Variants in CCDC102B observed in about 807,000 individuals in gnomAD.
CCDC102B encodes coiled-coil domain containing 102B.
A neutral mutation model predicts 57.4 loss-of-function variants in CCDC102B; 75 were observed. That is an observed-to-expected ratio of 1.31 (90% CI 1.08 to 1.58). The LOEUF (loss-of-function observed/expected upper bound fraction) is 1.58, where lower values mean the gene tolerates loss of function less well. Ranked by LOEUF, CCDC102B falls within the 40% of genes most tolerant of loss-of-function variation. The probability of loss-of-function intolerance (pLI) is 0.00; values close to 1 mark genes in which losing one functional copy is unlikely to be tolerated. For missense variants in CCDC102B, 636 were observed against 582.6 expected (o/e 1.09, Z -0.94); for synonymous variants, 206 against 201.9 (o/e 1.02, Z -0.17).
chr18:68,841,424 A>T (rs1280928200), intron 3 of CCDC102B, among the ~76,000 whole-genome samples: 1 of 152,200 alleles, frequency 6.6e-6, no homozygotes, highest in East Asian at 1.9e-4. Flanking sequence ...AAAGTTTCTC[A>T]TATACTGAGA....
intron 6 of CCDC102B, among the ~76,000 whole-genome samples, chr18:68,994,637 G>A (rs1325437640): frequency 6.6e-6 from 1 of 152,016 alleles, no homozygotes; most frequent in African/African-American, 2.4e-5. Context: ...TTTTATAAAG[G>A]GTTCTTCCCC....
intron 2 of CCDC102B, among the ~76,000 whole-genome samples, chr18:68,791,665 A>G (rs1312754433): frequency 6.6e-6 from 1 of 151,988 alleles, no homozygotes; most frequent in Admixed American, 6.6e-5. Context: ...ATTTTAAAGC[A>G]CCTAATGTTT....
At chr18:68,894,840 A>G (rs1235925617) in intron 5 of CCDC102B, among the ~76,000 whole-genome samples, 1 of 151,874 alleles carries the variant, frequency 6.6e-6, no homozygotes, top group African/African-American at 2.4e-5. Flanking sequence ...AAAAAATCTT[A>G]AGAGTTAAAA....
chr18:68,838,283 C>T lies in CCDC102B; in HGVS notation c.607-423C>T, dbSNP rs918381830. On this transcript the variant is annotated intron_variant, in intron 2 of 7. Coordinates refer to ENST00000360242, the MANE Select transcript of CCDC102B (RefSeq NM_024781.3). ...TAAGCAAGCTTTTTAAAATATTCAA[C>T]AGCTTCCTGAAAATTCTATCTTGTC... 5.0e-5 allele frequency: 24 copies of T among 477,148 alleles called. No homozygotes were observed. In the Admixed American group the frequency reaches 1.3e-3, roughly 27 times the overall value. The allele number at this position is 477,148 out of a possible 1,614,324, so 29.6% of individuals were successfully genotyped here.
chr18:68,726,664 A>T (rs1259972217), intron 2 of CCDC102B, among the ~76,000 whole-genome samples: 1 of 152,348 alleles, frequency 6.6e-6, no homozygotes, highest in South Asian at 2.1e-4. Context: ...ATTCCTGTAG[A>T]ATGGTTTTCA....
chr18:69,023,751 T>C (rs1160304439), intron 7 of CCDC102B, among the ~76,000 whole-genome samples: 1 of 151,964 alleles, frequency 6.6e-6, no homozygotes, highest in African/African-American at 2.4e-5. Flanking sequence ...CCTATTTTTA[T>C]ATATTATCAT....
chr18:69,003,597 T>C (rs2051263161), intron 6 of CCDC102B, among the ~76,000 whole-genome samples: 1 of 152,212 alleles, frequency 6.6e-6, no homozygotes, highest in African/African-American at 2.4e-5. Flanking sequence ...CTGGACCTGA[T>C]ACCTATGCTT....
intron 1 of CCDC102B, among the ~76,000 whole-genome samples, chr18:68,834,559 A>C (rs549949300): frequency 7.9e-4 from 119 of 150,234 alleles, no homozygotes; most frequent in African/African-American, 2.7e-3. Context: ...ATAGTAAATG[A>C]AGGGAACAAA....
intron 6 of CCDC102B, among the ~76,000 whole-genome samples, chr18:68,945,024 A>G (rs1331673440): frequency 1.3e-5 from 2 of 151,618 alleles, no homozygotes; most frequent in Non-Finnish European, 2.9e-5. Context: ...ATAGTGTGAC[A>G]TGCTACAGAT....
In CCDC102B at chr18:68,759,020, AAAAC is replaced by A. The variant is rs200947236; in HGVS notation, c.-67+42442_-67+42445del. Among the ~76,000 whole-genome samples the A allele has an allele frequency of 4.4e-3, 663 of 151,974 alleles. 2 individuals carry two copies. The highest frequency in any genetic ancestry group is 0.013 in the African/African-American group (543 of 41,518). Reference sequence around the variant, plus strand: ...ATGCCACCCCTACCTAAAAAAAACAAAAACAAACAAACAAACAAAAAAACAACCA... The same window carrying A: ...ATGCCACCCCTACCTAAAAAAAACAAAAACAAACAAACAAAAAAACAACCA... On this transcript the variant is annotated intron_variant, in intron 2 of 3. Transcript: ENST00000578970.
intron 7 of CCDC102B, among the ~76,000 whole-genome samples, chr18:69,025,991 T>A (rs1446016738): frequency 6.6e-6 from 1 of 152,118 alleles, no homozygotes; most frequent in Non-Finnish European, 1.5e-5. Flanking sequence ...CGTGATTCCA[T>A]TGACTCCAGG....
chr18:68,836,624 C>CAAAAA lies in CCDC102B; in HGVS notation c.-15-124_-15-120dup, dbSNP rs74175335. 5.3e-5 allele frequency: 25 copies of CAAAAA among 472,630 alleles called. 1 individual carries two copies. Among genetic ancestry groups the CAAAAA allele is most frequent in the African/African-American group, 4.2e-4 (16 of 37,992 alleles). The allele number at this position is 472,630 out of a possible 1,614,324, so 29.3% of individuals were successfully genotyped here. A position where few individuals can be genotyped will look rare whatever the true frequency, so the allele number is the denominator to read the frequency against. On this transcript the variant is annotated intron_variant, in intron 1 of 7. Transcript: ENST00000360242. The stretch of plus-strand genomic sequence containing the variant: ...GCCTGGTGACAGAGCAAGACTCTGT[C>CAAAAA]AAAAATAAAAAAAAAGCATTGTTTT...
intron 1 of CCDC102B, among the ~76,000 whole-genome samples, chr18:68,819,534 T>A (rs965092382): frequency 9.2e-5 from 14 of 151,846 alleles, no homozygotes; most frequent in African/African-American, 1.5e-4. Flanking sequence ...GTTCTTTTTT[T>A]AAAAAAAGTT....
intron 6 of CCDC102B, among the ~76,000 whole-genome samples, chr18:68,960,001 T>A (rs964040182): frequency 6.6e-6 from 1 of 152,112 alleles, no homozygotes; most frequent in Non-Finnish European, 1.5e-5. Context: ...GCTGAGCTGG[T>A]ACCCAAGCTG....
chr18:68,886,092 C>T (rs1023162560), intron 5 of CCDC102B, among the ~76,000 whole-genome samples: 13 of 151,322 alleles, frequency 8.6e-5, no homozygotes, highest in Admixed American at 2.0e-4. Flanking sequence ...AACACGTGGC[C>T]GGGGGCAGTG....
chr18:68,792,499 A>G (rs1047951508), intron 2 of CCDC102B, among the ~76,000 whole-genome samples: 2 of 152,218 alleles, frequency 1.3e-5, no homozygotes, highest in African/African-American at 4.8e-5. Flanking sequence ...TATTTTGTAG[A>G]TGTTGCAGTT....
intron 6 of CCDC102B, among the ~76,000 whole-genome samples, chr18:68,984,175 GA>G (rs201125429): frequency 0.031 from 4,177 of 135,874 alleles, 115 homozygotes; most frequent in East Asian, 0.13. Flanking sequence ...ATGCTCAAAA[GA>G]AAAAAAAAAA....
chr18:68,878,489 C>T (rs1368444815), intron 5 of CCDC102B, among the ~76,000 whole-genome samples: 2 of 152,132 alleles, frequency 1.3e-5, no homozygotes, highest in Admixed American at 1.3e-4. Context: ...TACTGACATC[C>T]TAACTTCCAA....
chr18:68,890,190 A>C (rs1045661393), intron 5 of CCDC102B, among the ~76,000 whole-genome samples: 6 of 151,694 alleles, frequency 4.0e-5, no homozygotes, highest in Admixed American at 6.6e-5. Context: ...TAATTTACAC[A>C]CAGTTTAATG....
Sources: gnomAD v4.1 joint callset for allele counts (sites outside exome capture counted in the v4.1 genomes callset) on GRCh38, gnomAD v4.1.1 for gene constraint, MANE v1.5 for transcripts, NCBI Gene and HGNC (gene_info 2026-07-23, HGNC 2026-07-21) for gene names.